The following PEBP4 variants were observed in gnomAD, a reference collection of about 807,000 sequenced individuals.
PEBP4 encodes the protein phosphatidylethanolamine binding protein 4, also known as phosphatidylethanolamine-binding protein 4.
Under a neutral mutation model 23.9 loss-of-function variants are expected in PEBP4, and 22 were observed. The ratio of observed to expected loss-of-function variants is 0.92; its 90% CI spans 0.66 to 1.31. The LOEUF is 1.31. Among genes scored for constraint, PEBP4 ranks in the 40% most tolerant of loss-of-function variants. The pLI is 0.00. For missense variants in PEBP4, 324 were observed against 281.7 expected (o/e 1.15, Z -1.07); for synonymous variants, 112 against 99.3 (o/e 1.13, Z -0.76).
At chr8:22,867,621 C>G (rs1011823515) in intron 3 of PEBP4, among the ~76,000 whole-genome samples, 3 of 152,168 alleles carry the variant, frequency 2.0e-5, no homozygotes, top group African/African-American at 7.2e-5. Context: ...CTCCAGCCTT[C>G]TTGGAAACAA....
chr8:22,831,072 A>G (rs942674351), intron 3 of PEBP4, among the ~76,000 whole-genome samples: 9 of 151,956 alleles, frequency 5.9e-5, no homozygotes, highest in African/African-American at 2.2e-4. Flanking sequence ...TCTAGGGTTC[A>G]CTCTGCTCCC....
In PEBP4 at chr8:22,833,614, T is replaced by C. The variant is rs112893571; in HGVS notation, c.259-15879A>G. Among the ~76,000 whole-genome samples the C allele has an allele frequency of 9.0e-3, 1,367 of 152,292 alleles. 24 individuals carry two copies. Among genetic ancestry groups the C allele is most frequent in the African/African-American group, 0.031 (1,294 of 41,570 alleles). On this transcript the variant is annotated intron_variant, in intron 3 of 6. Transcript: ENST00000256404. ...CTCAAAGTGCTGGGATTACAGGCTC[T>C]GATATGATTTCGAATGTGGGTTACT...
chr8:22,910,588 G>C (rs1808917545), intron 3 of PEBP4, among the ~76,000 whole-genome samples: 1 of 152,238 alleles, frequency 6.6e-6, no homozygotes, highest in Non-Finnish European at 1.5e-5. Flanking sequence ...CTTAGCCCCA[G>C]GGCAACTGCC....
intron 4 of PEBP4, among the ~76,000 whole-genome samples, chr8:22,795,163 ATTTTTTTTTTTTTTTT>A (rs33911395): frequency 6.3e-5 from 3 of 47,344 alleles, no homozygotes; most frequent in Admixed American, 3.4e-4. Flanking sequence ...ATATATATAT[ATTTTTTTTTTTTTTTT>A]TTTTTTTTTT....
At chr8:22,740,745 A>G (rs1362561217) in intron 4 of PEBP4, among the ~76,000 whole-genome samples, 1 of 152,118 alleles carries the variant, frequency 6.6e-6, no homozygotes, top group African/African-American at 2.4e-5. Flanking sequence ...CAGACCCTTC[A>G]GACAGGTTGG....
intron 4 of PEBP4, among the ~76,000 whole-genome samples, chr8:22,807,941 A>G (rs893426628): frequency 2.8e-5 from 4 of 144,210 alleles, no homozygotes; most frequent in Non-Finnish European, 6.0e-5. Context: ...CACCTACTAA[A>G]CCTCTATCCA....
At chr8:22,881,435 A>G (rs1808257066) in intron 3 of PEBP4, among the ~76,000 whole-genome samples, 1 of 152,036 alleles carries the variant, frequency 6.6e-6, no homozygotes, top group Non-Finnish European at 1.5e-5. Context: ...TTATCTGTTC[A>G]CTTTTCTTAT....
intron 4 of PEBP4, among the ~76,000 whole-genome samples, chr8:22,805,382 G>A (rs1250437631): frequency 6.6e-6 from 1 of 151,244 alleles, no homozygotes; most frequent in African/African-American, 2.4e-5. Flanking sequence ...GCTGGAGTGC[G>A]ATGGCACGAT....
intron 2 of PEBP4, among the ~76,000 whole-genome samples, chr8:22,921,197 A>G (rs1809192682): frequency 6.6e-6 from 1 of 152,228 alleles, no homozygotes; most frequent in African/African-American, 2.4e-5. Context: ...TTGCCCTTCT[A>G]TTATAATTTA....
At chr8:22,893,360 C>A (rs1264409810) in intron 3 of PEBP4, among the ~76,000 whole-genome samples, 1 of 152,182 alleles carries the variant, frequency 6.6e-6, no homozygotes, top group Non-Finnish European at 1.5e-5. Flanking sequence ...ATTATAATGA[C>A]ATTTCACACC....
chr8:22,898,388 CCCCA>C (rs1808633261), intron 3 of PEBP4, among the ~76,000 whole-genome samples: 1 of 4,634 alleles, frequency 2.2e-4, no homozygotes, highest in Non-Finnish European at 1.0e-3. Context: ...GAAGACTCCA[CCCCA>C]AAAAAAAAAA....
chr8:22,885,287 C>T (rs1166292830), intron 3 of PEBP4: 2 of 152,152 alleles, frequency 1.3e-5, no homozygotes, highest in Non-Finnish European at 2.9e-5. Flanking sequence ...CTTATTTCCT[C>T]CTTTTACGCA....
At chr8:22,838,228 C>T (rs1007851125) in intron 3 of PEBP4, among the ~76,000 whole-genome samples, 66 of 152,146 alleles carry the variant, frequency 4.3e-4, no homozygotes, top group African/African-American at 1.5e-3. Context: ...GACAGAAGAA[C>T]TATTATTTCT....
chr8:22,724,779 C>A, intron 6 of PEBP4, 64 bp downstream of exon 6: 1 of 1,297,794 alleles, frequency 7.7e-7, no homozygotes, highest in Non-Finnish European at 1.1e-6. Flanking sequence ...CCGTAAATGC[C>A]TGAAGCGTTT....
intron 6 of PEBP4, among the ~76,000 whole-genome samples, chr8:22,724,409 G>C (rs1804581990): frequency 6.6e-6 from 1 of 152,258 alleles, no homozygotes; most frequent in Non-Finnish European, 1.5e-5. Flanking sequence ...AGCCGACCCA[G>C]TAATTAGCAA....
At chr8:22,718,667 C>T (rs1172989924) in intron 6 of PEBP4, among the ~76,000 whole-genome samples, 1 of 151,964 alleles carries the variant, frequency 6.6e-6, no homozygotes. Context: ...CACAAGCCCA[C>T]ACAGTGATCA....
intron 4 of PEBP4, among the ~76,000 whole-genome samples, chr8:22,777,218 C>T (rs1028753923): frequency 1.3e-5 from 2 of 152,132 alleles, no homozygotes; most frequent in Non-Finnish European, 2.9e-5. Flanking sequence ...CCCCTCAGGT[C>T]CCCCTGAGTT....
At chr8:22,848,836 G>A (rs1381804021) in intron 3 of PEBP4, among the ~76,000 whole-genome samples, 2 of 152,334 alleles carry the variant, frequency 1.3e-5, no homozygotes, top group South Asian at 2.1e-4. Flanking sequence ...GAGCGGAATT[G>A]TTTCCCTTTG....
At chr8:22,908,963 G>C (rs1808876136) in intron 3 of PEBP4, among the ~76,000 whole-genome samples, 1 of 152,188 alleles carries the variant, frequency 6.6e-6, no homozygotes, top group African/African-American at 2.4e-5. Flanking sequence ...TTTAATGGCA[G>C]AAGGGCATTT....
Sources: gnomAD v4.1 joint callset for allele counts (sites outside exome capture counted in the v4.1 genomes callset) on GRCh38, gnomAD v4.1.1 for gene constraint, MANE v1.5 for transcripts, NCBI Gene and HGNC (gene_info 2026-07-23, HGNC 2026-07-21) for gene names.